ADGRB3: variants seen among roughly 807,000 people sequenced by gnomAD.
ADGRB3 encodes adhesion G protein-coupled receptor B3, also known as brain-specific angiogenesis inhibitor 3.
A neutral mutation model predicts 193.4 loss-of-function variants in ADGRB3; 37 were observed. That is an observed-to-expected ratio of 0.19 (90% CI 0.15 to 0.25). The LOEUF (loss-of-function observed/expected upper bound fraction) is 0.25. ADGRB3 is among the 10% of genes least tolerant of loss of function. ADGRB3 has a pLI of 1.00. For missense variants in ADGRB3, 1,637 were observed against 1,852.9 expected, an observed-to-expected ratio of 0.88 and a Z score of 2.14; for synonymous variants, 690 against 644.2, an observed-to-expected ratio of 1.07 and a Z score of -1.08.
chr6:69,260,043 A>G (rs1286848006), intron 20 of ADGRB3, among the ~76,000 whole-genome samples: 1 of 152,208 alleles, frequency 6.6e-6, no homozygotes, highest in Non-Finnish European at 1.5e-5. Context: ...CTGTTTTAAT[A>G]CGCAAAATTA....
intron 28 of ADGRB3, among the ~76,000 whole-genome samples, chr6:69,359,746 A>G (rs1211629387): frequency 1.3e-5 from 2 of 151,936 alleles, no homozygotes; most frequent in African/African-American, 4.8e-5. Context: ...TCTATGCCTA[A>G]TGAAATTTTA....
intron 17 of ADGRB3, among the ~76,000 whole-genome samples, chr6:69,106,164 T>TTAAAAAAA (rs752763040): frequency 2.2e-5 from 2 of 91,080 alleles, no homozygotes; most frequent in East Asian, 1.0e-3. Flanking sequence ...GAGACTGCGT[T>TTAAAAAAA]AAAAAAAAAA....
Position 69,149,209 on chromosome 6 carries a change from A to G in ADGRB3, c.2480+73171A>G, listed in dbSNP as rs181373435. Reference sequence around the variant, plus strand: ...GGGTGATTTTCTAGATCTTTTAGGCATGCCTCATTCTTTTCTATTATTTTT... The same window carrying G: ...GGGTGATTTTCTAGATCTTTTAGGCGTGCCTCATTCTTTTCTATTATTTTT... On this transcript the variant is annotated intron_variant, in intron 17 of 31. Transcript: ENST00000370598. 9.2e-5 allele frequency among the ~76,000 whole-genome samples: 14 copies of G among 152,084 alleles called. No homozygotes were observed. In the East Asian group the frequency reaches 2.1e-3, roughly 23 times the overall value.
chr6:69,060,012 AC>A (rs145305863), intron 15 of ADGRB3, among the ~76,000 whole-genome samples: 11,757 of 152,140 alleles, frequency 0.077, 566 homozygotes, highest in Non-Finnish European at 0.11. Context: ...ATGGAAAAAG[AC>A]ATGCGTAGAA....
intron 30 of ADGRB3, among the ~76,000 whole-genome samples, chr6:69,380,918 A>G (rs985050801): frequency 1.3e-5 from 2 of 151,946 alleles, no homozygotes; most frequent in Non-Finnish European, 2.9e-5. Flanking sequence ...ATGTCAGTAC[A>G]TCACCCCACT....
At position 69,361,274 on chromosome 6, in the gene ADGRB3, C is replaced by T. The variant is rs535796817; in HGVS notation, c.4001C>T (p.Thr1334Ile). ...EESKMNIGME[T>I]LPHERLLHYK... ...AGCAAAATGAATATTGGCATGGAAACCTTGCCGCATGAAAGGCTATTGCAC... is the reference window on the plus strand; with the variant it reads ...AGCAAAATGAATATTGGCATGGAAATCTTGCCGCATGAAAGGCTATTGCAC... The change falls in exon 29 of 32, where the codon ACC becomes ATC. Residue 1334 changes from threonine to isoleucine, a missense_variant. Thr to Ile is a moderately conservative substitution (Grantham distance 89). Around this residue, in one of 7 missense-constraint regions of ADGRB3, gnomAD observed 368 missense variants for 367.4 expected, o/e 1.00. Transcript: ENST00000370598. 1.7e-5 allele frequency: 28 copies of T among 1,612,806 alleles called. No individual in the cohort carries two copies. In the South Asian group the frequency reaches 3.0e-4, roughly 17 times the overall value.
chr6:69,140,266 C>G (rs1421312711), intron 17 of ADGRB3, among the ~76,000 whole-genome samples: 1 of 152,148 alleles, frequency 6.6e-6, no homozygotes, highest in African/African-American at 2.4e-5. Flanking sequence ...TCACTGAAAT[C>G]AGCTTTTCAA....
chr6:69,221,761 G>A (rs889029993), intron 17 of ADGRB3, among the ~76,000 whole-genome samples: 1 of 152,142 alleles, frequency 6.6e-6, no homozygotes, highest in Non-Finnish European at 1.5e-5. Flanking sequence ...GTTCTTCTGA[G>A]TGGAAGGTTT....
chr6:69,199,597 C>CGT (rs1765376682), intron 17 of ADGRB3, among the ~76,000 whole-genome samples: 1 of 152,078 alleles, frequency 6.6e-6, no homozygotes, highest in Admixed American at 6.6e-5. Context: ...GGATTAGCCA[C>CGT]TTTCTGAGAA....
At chr6:69,255,842 T>C (rs541103103) in intron 20 of ADGRB3, among the ~76,000 whole-genome samples, 2 of 152,126 alleles carry the variant, frequency 1.3e-5, no homozygotes, top group South Asian at 2.1e-4. Flanking sequence ...TTAGGTCTAA[T>C]GTTTAAGTCT....
intron 13 of ADGRB3, among the ~76,000 whole-genome samples, chr6:69,027,338 CA>C (rs1423600949): frequency 6.6e-6 from 1 of 152,002 alleles, no homozygotes; most frequent in African/African-American, 2.4e-5. Flanking sequence ...GAAAGGTCCT[CA>C]GGGGAAATAA....
At chr6:69,201,979 C>T (rs1355299443) in intron 17 of ADGRB3, among the ~76,000 whole-genome samples, 1 of 152,152 alleles carries the variant, frequency 6.6e-6, no homozygotes, top group African/African-American at 2.4e-5. Flanking sequence ...GAGCTCTTCT[C>T]TATAGCTCTT....
chr6:69,259,120 T>C (rs761131754), intron 20 of ADGRB3, among the ~76,000 whole-genome samples: 16 of 152,090 alleles, frequency 1.1e-4, no homozygotes, highest in Non-Finnish European at 2.4e-4. Flanking sequence ...CACATGATAT[T>C]AAAAGACAGG....
chr6:69,148,079 C>G (rs1774557023), intron 17 of ADGRB3, among the ~76,000 whole-genome samples: 1 of 152,046 alleles, frequency 6.6e-6, no homozygotes. Flanking sequence ...TGTTTTTTAT[C>G]CATTCAGCCA....
At chr6:69,146,821 CTTTTTTT>C (rs756561473) in intron 17 of ADGRB3, among the ~76,000 whole-genome samples, 1 of 103,246 alleles carries the variant, frequency 9.7e-6, no homozygotes, top group Admixed American at 1.1e-4. Flanking sequence ...CTCATTACTT[CTTTTTTT>C]TTTTTTTTTT....
At chr6:69,241,499 T>G (rs1582570963) in intron 20 of ADGRB3, among the ~76,000 whole-genome samples, 1 of 152,068 alleles carries the variant, frequency 6.6e-6, no homozygotes, top group South Asian at 2.1e-4. Context: ...GTTGTGTAGG[T>G]CTAAATGCCA....
intron 15 of ADGRB3, among the ~76,000 whole-genome samples, chr6:69,052,044 C>A (rs542275535): frequency 9.9e-5 from 15 of 152,280 alleles, no homozygotes; most frequent in South Asian, 2.1e-4. Flanking sequence ...GCGCCCACCA[C>A]CACGCCGGGC....
chr6:68,825,033 T>C (rs1464004556), intron 3 of ADGRB3, among the ~76,000 whole-genome samples: 2 of 152,090 alleles, frequency 1.3e-5, no homozygotes, highest in Non-Finnish European at 2.9e-5. Flanking sequence ...TTTCTTTTTG[T>C]ATTTTTAGTA....
intron 3 of ADGRB3, among the ~76,000 whole-genome samples, chr6:68,906,393 G>C (rs1029835965): frequency 6.7e-6 from 1 of 149,654 alleles, no homozygotes; most frequent in Non-Finnish European, 1.5e-5. Flanking sequence ...GTTGCTTGTA[G>C]CCTACAAGCA....
Sources: gnomAD v4.1 joint callset for allele counts (sites outside exome capture counted in the v4.1 genomes callset) on GRCh38, gnomAD v4.1.1 for gene constraint, gnomAD v4.1.1 regional missense constraint, MANE v1.5 for transcripts, NCBI Gene and HGNC (gene_info 2026-07-23, HGNC 2026-07-21) for gene names.